Variants in RARB observed in about 807,000 individuals in gnomAD.
RARB encodes the protein HBV-activated protein.
A neutral mutation model predicts 51.9 loss-of-function variants in RARB; 17 were observed. The observed-to-expected ratio is 0.33, with a 90% CI of 0.22 to 0.49. RARB has a LOEUF of 0.49. Ranked by LOEUF, RARB falls within the 20% of genes least tolerant of loss-of-function variation. RARB has a pLI of 0.99. For synonymous variants in RARB, 215 were observed against 195.4 expected (o/e 1.10, Z -0.84); for missense variants, 369 against 550.8 (o/e 0.67, Z 3.30).
chr3:25,566,562 G>T (rs1255750458), intron 3 of RARB, among the ~76,000 whole-genome samples: 2 of 152,178 alleles, frequency 1.3e-5, no homozygotes, highest in East Asian at 3.9e-4. Flanking sequence ...GCCCAACTTG[G>T]TGCCCAGCTG....
intron 3 of RARB, among the ~76,000 whole-genome samples, chr3:25,560,944 T>C (rs1700245106): frequency 6.6e-6 from 1 of 152,212 alleles, no homozygotes; most frequent in South Asian, 2.1e-4. Flanking sequence ...CTATTTTTGT[T>C]CATGTTACAT....
chr3:25,214,643 C>A (rs114477498), intron 5 of RARB, among the ~76,000 whole-genome samples: 1 of 152,130 alleles, frequency 6.6e-6, no homozygotes, highest in African/African-American at 2.4e-5. Context: ...GAAGGGACTT[C>A]AGCACTTGGG....
chr3:25,521,101 C>T (rs766176510), intron 3 of RARB, among the ~76,000 whole-genome samples: 2 of 152,178 alleles, frequency 1.3e-5, no homozygotes, highest in Non-Finnish European at 2.9e-5. Context: ...TCAGAGCCTT[C>T]AGAGCAACCT....
chr3:25,363,827 A>G (rs1706028474), intron 5 of RARB, among the ~76,000 whole-genome samples: 1 of 152,090 alleles, frequency 6.6e-6, no homozygotes, highest in Non-Finnish European at 1.5e-5. Context: ...CATCCCTACT[A>G]ACATCTCTTT....
rs547044937 is a variant in RARB at position 24,832,908 on chromosome 3, A to T, written c.-459+3505A>T. Among the ~76,000 whole-genome samples, 22 of 152,154 alleles carry T rather than the reference A, an allele frequency of 1.4e-4. No individual in the cohort carries two copies. The South Asian group carries it at 4.4e-3, about 30-fold the overall frequency. ...GGAGTTGTTACAACAATTACATGTC[A>T]ACATATTTTTAATGTCTTCTATGTT... is the stretch of plus-strand genomic sequence containing the variant. On this transcript the variant is annotated intron_variant, in intron 1 of 11. Transcript: ENST00000383772.
At chr3:25,277,769 T>G (rs322707) in intron 5 of RARB, among the ~76,000 whole-genome samples, 1 of 151,964 alleles carries the variant, frequency 6.6e-6, no homozygotes, top group Non-Finnish European at 1.5e-5. Context: ...AAATTTGTAT[T>G]GAAGTATAGC....
intron 2 of RARB, among the ~76,000 whole-genome samples, chr3:25,022,728 A>C (rs1205651837): frequency 6.6e-6 from 1 of 152,178 alleles, no homozygotes; most frequent in African/African-American, 2.4e-5. Flanking sequence ...TGAAATGATG[A>C]TATGTAGTTA....
intron 5 of RARB, among the ~76,000 whole-genome samples, chr3:25,300,494 G>A (rs1185779617): frequency 1.3e-5 from 2 of 152,164 alleles, no homozygotes; most frequent in Admixed American, 1.3e-4. Context: ...AGAGGCACAG[G>A]GACAGGGTCT....
intron 2 of RARB, among the ~76,000 whole-genome samples, chr3:25,007,605 C>CAACAACAAAAAA (rs1559431424): frequency 3.3e-5 from 2 of 60,640 alleles, no homozygotes; most frequent in African/African-American, 1.2e-4. Flanking sequence ...AAAAAAAAAA[C>CAACAACAAAAAA]AAAAAAACCT....
intron 2 of RARB, among the ~76,000 whole-genome samples, chr3:25,022,062 T>C (rs952304422): frequency 4.6e-5 from 7 of 152,176 alleles, no homozygotes; most frequent in Admixed American, 4.6e-4. Context: ...GGTAAAATCC[T>C]AAGAGAGATA....
intron 5 of RARB, among the ~76,000 whole-genome samples, chr3:25,289,763 C>A (rs1398968163): frequency 6.6e-6 from 1 of 152,032 alleles, no homozygotes; most frequent in African/African-American, 2.4e-5. Context: ...CTGGGCTATT[C>A]CCTTTGGTTT....
chr3:25,428,432 T>C lies in RARB; in HGVS notation c.-300T>C. On this transcript the variant is annotated 5_prime_UTR_variant, in exon 1 of 8. Transcript: ENST00000330688. ...CCGTCGGGGTAGGATCCGGAACGCA[T>C]TCGGAAGGCTTTTTGCAAGCATTTA... 1 of 1,269,386 alleles carries C rather than the reference T, an allele frequency of 7.9e-7. No homozygotes were observed. Among genetic ancestry groups the C allele is most frequent in the East Asian group, 3.0e-5 (1 of 33,460 alleles). 78.6% of individuals were successfully genotyped at this position (1,269,386 alleles called of 1,614,324 possible). A position where few individuals can be genotyped will look rare whatever the true frequency, so the allele number is the denominator to read the frequency against.
chr3:25,362,431 G>A (rs1705971539), intron 5 of RARB, among the ~76,000 whole-genome samples: 1 of 152,184 alleles, frequency 6.6e-6, no homozygotes, highest in Non-Finnish European at 1.5e-5. Context: ...GGGCTCCAAT[G>A]AGCAAGACCA....
intron 2 of RARB, among the ~76,000 whole-genome samples, chr3:25,475,613 A>G (rs1010086010): frequency 1.3e-5 from 2 of 152,200 alleles, no homozygotes; most frequent in African/African-American, 2.4e-5. Context: ...TCTTCAAGCC[A>G]TCTGGGGAGC....
intron 2 of RARB, among the ~76,000 whole-genome samples, chr3:25,466,283 G>A (rs1031975328): frequency 6.6e-6 from 1 of 152,156 alleles, no homozygotes; most frequent in South Asian, 2.1e-4. Flanking sequence ...TGCCTCCCGG[G>A]TTCAAGCAAT....
At chr3:25,246,320 G>A (rs1459739986) in intron 5 of RARB, among the ~76,000 whole-genome samples, 2 of 152,018 alleles carry the variant, frequency 1.3e-5, no homozygotes, top group South Asian at 2.1e-4. Flanking sequence ...GCCTAATTCT[G>A]TCAATTTGTC....
At chr3:25,314,683 A>G (rs781755237) in intron 5 of RARB, among the ~76,000 whole-genome samples, 7 of 151,750 alleles carry the variant, frequency 4.6e-5, no homozygotes, top group Non-Finnish European at 1.0e-4. Context: ...TCATTTTTTA[A>G]TTTTTTAAAA....
chr3:25,119,094 A>G (rs1699737507), intron 3 of RARB, among the ~76,000 whole-genome samples: 1 of 152,088 alleles, frequency 6.6e-6, no homozygotes, highest in Non-Finnish European at 1.5e-5. Context: ...AATCTTTATT[A>G]TTTTTTCATT....
At chr3:25,061,705 C>A (rs1007300550) in intron 3 of RARB, among the ~76,000 whole-genome samples, 10 of 151,610 alleles carry the variant, frequency 6.6e-5, no homozygotes, top group African/African-American at 2.4e-4. Context: ...TGTTGATCCA[C>A]TAAATTTTAT....
Sources: gnomAD v4.1 joint callset for allele counts (sites outside exome capture counted in the v4.1 genomes callset) on GRCh38, gnomAD v4.1.1 for gene constraint, MANE v1.5 for transcripts, NCBI Gene and HGNC (gene_info 2026-07-23, HGNC 2026-07-21) for gene names.